Variants in SLC36A1 observed in about 807,000 individuals in gnomAD.
SLC36A1 encodes the protein proton-coupled amino acid transporter 1.
SLC36A1 carries 30 observed loss-of-function variants against 47.5 expected under a neutral mutation model. The ratio of observed to expected loss-of-function variants is 0.63; its 90% confidence interval spans 0.47 to 0.86. SLC36A1 has a LOEUF of 0.86. SLC36A1 is among the 40% of genes least tolerant of loss of function. The pLI, the probability that SLC36A1 is intolerant of heterozygous loss-of-function variation, is 0.00. For synonymous variants in SLC36A1, 255 were observed against 249.7 expected, an observed-to-expected ratio of 1.02 and a Z score of -0.20; for missense variants, 517 against 606.0, an observed-to-expected ratio of 0.85 and a Z score of 1.54.
chr5:151,531,554 G>T, the SLC36A1 span: 2 of 1,610,210 alleles, frequency 1.2e-6, no homozygotes, highest in Non-Finnish European at 1.7e-6. This position sits in a 1 kb window ranked among gnomAD's most constrained non-coding sequence, Gnocchi z 5.7. Context: ...CCCTGTACGC[G>T]ATGCTTTGGG....
At chr5:151,516,357 A>G in the SLC36A1 span, among the ~76,000 whole-genome samples, 2 of 152,034 alleles carry the variant, frequency 1.3e-5, no homozygotes, top group Non-Finnish European at 2.9e-5. Context: ...TAAAGACGCA[A>G]AAGAAAAAAA....
chr5:151,535,842 G>A, the SLC36A1 span, among the ~76,000 whole-genome samples: 5 of 152,082 alleles, frequency 3.3e-5, no homozygotes, highest in African/African-American at 1.2e-4. Context: ...AGGGGTCTCC[G>A]CTGCTTGTTG....
the SLC36A1 span, among the ~76,000 whole-genome samples, chr5:151,368,192 CA>C: frequency 7.2e-5 from 11 of 152,250 alleles, no homozygotes; most frequent in South Asian, 2.1e-4. Flanking sequence ...CAAAGTGTGC[CA>C]AAACTGGATG....
the SLC36A1 span, among the ~76,000 whole-genome samples, chr5:151,394,444 G>A: frequency 6.6e-6 from 1 of 152,216 alleles, no homozygotes; most frequent in African/African-American, 2.4e-5. Flanking sequence ...CATTGCTGGC[G>A]AGGAGCTGCA....
At chr5:151,539,271 A>G in the SLC36A1 span, among the ~76,000 whole-genome samples, 2 of 152,206 alleles carry the variant, frequency 1.3e-5, no homozygotes, top group African/African-American at 4.8e-5. Flanking sequence ...TGTGACTGGC[A>G]TGTAGAAGAG....
chr5:151,393,232 T>A, the SLC36A1 span, among the ~76,000 whole-genome samples: 1 of 152,054 alleles, frequency 6.6e-6, no homozygotes, highest in Non-Finnish European at 1.5e-5. Flanking sequence ...AACCCCTGCC[T>A]TTTTTTGTTT....
intron 9 of SLC36A1, among the ~76,000 whole-genome samples, chr5:151,477,920 C>G (rs758972729): frequency 1.3e-5 from 2 of 152,186 alleles, no homozygotes; most frequent in Non-Finnish European, 2.9e-5. Flanking sequence ...GCTGCTGTAA[C>G]TCTTCTGCCT....
chr5:151,370,216 T>C, the SLC36A1 span, among the ~76,000 whole-genome samples: 1 of 152,370 alleles, frequency 6.6e-6, no homozygotes, highest in Non-Finnish European at 1.5e-5. Flanking sequence ...AGATTATATC[T>C]GAGGCAGACA....
At chr5:151,519,028 T>A in the SLC36A1 span, among the ~76,000 whole-genome samples, 1 of 152,128 alleles carries the variant, frequency 6.6e-6, no homozygotes, top group Non-Finnish European at 1.5e-5. Context: ...CCAGAAAAGA[T>A]GAGGCACAAG....
At chr5:151,376,767 G>A in the SLC36A1 span, among the ~76,000 whole-genome samples, 1 of 151,958 alleles carries the variant, frequency 6.6e-6, no homozygotes, top group Non-Finnish European at 1.5e-5. Flanking sequence ...TGAGTAGCTG[G>A]GATTACAGGC....
At chr5:151,457,706 T>G (rs1754772510) in intron 1 of SLC36A1, among the ~76,000 whole-genome samples, 1 of 152,144 alleles carries the variant, frequency 6.6e-6, no homozygotes, top group South Asian at 2.1e-4. Flanking sequence ...TAAGAGTTAC[T>G]GGTGGCCTCC....
chr5:151,426,361 G>C, the SLC36A1 span, among the ~76,000 whole-genome samples: 1 of 152,016 alleles, frequency 6.6e-6, no homozygotes, highest in Admixed American at 6.5e-5. Flanking sequence ...ATCTCGGTGA[G>C]GGGGATGTAG....
the SLC36A1 span, among the ~76,000 whole-genome samples, chr5:151,385,009 A>T: frequency 0.15 from 19,751 of 128,374 alleles, 1,595 homozygotes; most frequent in East Asian, 0.36. Flanking sequence ...AGAGAGAGAG[A>T]GTGTGTGTGT....
the SLC36A1 span, among the ~76,000 whole-genome samples, chr5:151,368,797 T>C: frequency 6.6e-6 from 1 of 152,182 alleles, no homozygotes; most frequent in Non-Finnish European, 1.5e-5. Flanking sequence ...TAAGGTTAAA[T>C]CTAATGAAGG....
At chr5:151,533,088 T>C in the SLC36A1 span, among the ~76,000 whole-genome samples, 1 of 152,282 alleles carries the variant, frequency 6.6e-6, no homozygotes, top group East Asian at 1.9e-4. Flanking sequence ...ATAAGGCCAC[T>C]CTAGGAGCTA....
In SLC36A1 at chr5:151,465,851, G is replaced by A. The variant is rs150939205; in HGVS notation, c.419+682G>A. Among the ~76,000 whole-genome samples, 6 of 151,576 alleles carry A rather than the reference G, an allele frequency of 4.0e-5. No individual in the cohort carries two copies. The East Asian group carries it at 5.8e-4, about 15-fold the overall frequency. On this transcript the variant is annotated intron_variant, in intron 5 of 10. Transcript: ENST00000243389. ...GGTGGGAAGTATTTGCAAATTTCTC[G>A]TTATGGTAACTCTTCAGTGTTTGGA... is the stretch of plus-strand genomic sequence containing the variant.
the SLC36A1 span, among the ~76,000 whole-genome samples, chr5:151,365,231 T>G: frequency 6.6e-6 from 1 of 152,206 alleles, no homozygotes; most frequent in South Asian, 2.1e-4. Flanking sequence ...TAGCTAGAAG[T>G]AGTCCTGGAA....
the SLC36A1 span, among the ~76,000 whole-genome samples, chr5:151,429,489 G>A: frequency 1.3e-5 from 2 of 151,212 alleles, no homozygotes; most frequent in African/African-American, 2.4e-5. Context: ...TGAGAATGAT[G>A]GTTTCCAGTT....
chr5:151,462,970 G>C (rs910007474), intron 2 of SLC36A1, among the ~76,000 whole-genome samples: 1 of 151,748 alleles, frequency 6.6e-6, no homozygotes, highest in African/African-American at 2.4e-5. Context: ...CTGCCTCCCG[G>C]GTTCAAGCAA....
Sources: allele counts gnomAD v4.1 joint callset (sites outside exome capture counted in the v4.1 genomes callset), GRCh38; gene constraint gnomAD v4.1.1; non-coding constraint Gnocchi (gnomAD v3.1); transcripts MANE v1.5; gene names NCBI Gene and HGNC (gene_info 2026-07-23, HGNC 2026-07-21).